Variants in ERAP1 observed in about 807,000 individuals in gnomAD.
The protein encoded by ERAP1 is adipocyte-derived leucine aminopeptidase.
A neutral mutation model predicts 103.7 loss-of-function variants in ERAP1; 86 were observed. The observed-to-expected ratio is 0.83, with a 90% confidence interval of 0.70 to 0.99. The LOEUF is 0.99. Ranked by LOEUF, ERAP1 falls within the 50% of genes least tolerant of loss-of-function variation. ERAP1 has a pLI of 0.00. For missense variants in ERAP1, 1,009 were observed against 1,128.4 expected, an observed-to-expected ratio of 0.89 and a Z score of 1.52; for synonymous variants, 398 against 402.4, an observed-to-expected ratio of 0.99 and a Z score of 0.13.
At chr5:96,897,168 T>G in the ERAP1 span, among the ~76,000 whole-genome samples, 1 of 152,206 alleles carries the variant, frequency 6.6e-6, no homozygotes, top group African/African-American at 2.4e-5. Flanking sequence ...TTCTACCATA[T>G]AACACCTAAT....
chr5:96,828,900 G>T, the ERAP1 span, among the ~76,000 whole-genome samples: 1 of 152,102 alleles, frequency 6.6e-6, no homozygotes, highest in African/African-American at 2.4e-5. Context: ...AGGCTGGAGT[G>T]CAGTGGCACA....
At chr5:96,919,350 A>G in the ERAP1 span, 2 of 152,312 alleles carry the variant, frequency 1.3e-5, no homozygotes, top group African/African-American at 2.4e-5. Flanking sequence ...TTGGTGGTGG[A>G]CCTTCCTTGG....
chr5:96,875,895 A>G, the ERAP1 span: 1 of 152,460 alleles, frequency 6.6e-6, no homozygotes, highest in Admixed American at 6.5e-5. Flanking sequence ...CAGAGGTTTC[A>G]TCTTTGTGGA....
intron 19 of ERAP1, among the ~76,000 whole-genome samples, chr5:96,766,492 G>GAGC (rs1699176624): frequency 6.6e-6 from 1 of 152,202 alleles, no homozygotes; most frequent in Non-Finnish European, 1.5e-5. Flanking sequence ...TGTTTAAGGA[G>GAGC]AGCAGAAAAG....
At chr5:96,762,429 G>A in exon 20 of ERAP1, 2 of 1,257,372 alleles carry the variant, frequency 1.6e-6, no homozygotes, top group Non-Finnish European at 2.2e-6. Context: ...CAACTAGAAA[G>A]AAAATAGGGC....
chr5:96,857,324 T>C, the ERAP1 span, among the ~76,000 whole-genome samples: 3 of 152,188 alleles, frequency 2.0e-5, no homozygotes, highest in Non-Finnish European at 4.4e-5. Flanking sequence ...TGCCTTTTTG[T>C]TTGACTGTTT....
chr5:96,795,036 C>A lies in ERAP1; in HGVS notation c.919+6G>T, dbSNP rs1777189376. 1 of 1,613,870 alleles carries A rather than the reference C, an allele frequency of 6.2e-7. No homozygotes were observed. ...GTCATGTGTAATATCTGTGCAAAATCTCTACCTTGTTTGGGTAGGGGATAC... is the reference window on the plus strand; with the variant it reads ...GTCATGTGTAATATCTGTGCAAAATATCTACCTTGTTTGGGTAGGGGATAC... On this transcript the variant is annotated splice_donor_region_variant and intron_variant, in intron 5 of 18. Coordinates refer to ENST00000443439, the MANE Select transcript of ERAP1 (RefSeq NM_001040458.3).
At chr5:96,916,638 G>C in the ERAP1 span, among the ~76,000 whole-genome samples, 1 of 150,982 alleles carries the variant, frequency 6.6e-6, no homozygotes, top group Non-Finnish European at 1.5e-5. Flanking sequence ...TAATTTTTTT[G>C]TATTTTTTTT....
the ERAP1 span, among the ~76,000 whole-genome samples, chr5:96,856,365 T>TATATATAGAGAGAGAGAGAG: frequency 2.3e-3 from 47 of 20,362 alleles, no homozygotes; most frequent in Non-Finnish European, 3.4e-3. Context: ...TATATATATA[T>TATATATAGAGAGAGAGAGAG]AGAGAGAGAG....
chr5:96,793,513 A>C lies in ERAP1; in HGVS notation c.1075T>G (p.Trp359Gly). ...MTVAHELAHQ[W>G]FGNLVTMEWW... Reference sequence around the variant, plus strand: ...TCCATAGTGACCAGGTTCCCAAACCACTAAAAGCACAACATAAGCCATAAA... The same window carrying C: ...TCCATAGTGACCAGGTTCCCAAACCCCTAAAAGCACAACATAAGCCATAAA... The change falls in exon 7 of 19, where the codon TGG (tryptophan) becomes GGG (glycine). Residue 359 changes from tryptophan to glycine, a missense_variant and splice_region_variant. By Grantham distance (184) the Trp-to-Gly change is radical. This residue lies in a region of ERAP1 where 392 missense variants were observed against 455.2 expected (regional missense o/e 0.86). Transcript: ENST00000443439. The C allele has an allele frequency of 6.2e-7, 1 of 1,609,014 alleles. No homozygotes were observed. The highest frequency in any genetic ancestry group is 8.5e-7 in the Non-Finnish European group (1 of 1,175,448).
chr5:96,813,650 C>CAAAAAAAAAAAAAAAA, the ERAP1 span, among the ~76,000 whole-genome samples: 1 of 55,166 alleles, frequency 1.8e-5, no homozygotes, highest in African/African-American at 7.1e-5. Context: ...AGACTCATCT[C>CAAAAAAAAAAAAAAAA]AAAAAAAAAA....
chr5:96,791,490 A>G (rs1776731303), intron 8 of ERAP1, among the ~76,000 whole-genome samples: 1 of 152,188 alleles, frequency 6.6e-6, no homozygotes, highest in African/African-American at 2.4e-5. Context: ...GAAAGTGGAA[A>G]AGCAGAGCCT....
chr5:96,848,759 G>A, the ERAP1 span: 2 of 151,936 alleles, frequency 1.3e-5, no homozygotes, highest in Admixed American at 6.6e-5. Context: ...TTTAAAAGGA[G>A]GAAATACTTA....
the ERAP1 span, chr5:96,880,412 G>T: frequency 9.7e-6 from 7 of 725,272 alleles, no homozygotes; most frequent in Admixed American, 1.8e-4. Flanking sequence ...CATTCCTTAA[G>T]GAAACCACAG....
the ERAP1 span, among the ~76,000 whole-genome samples, chr5:96,901,181 T>TTTGC: frequency 7.6e-6 from 1 of 131,750 alleles, no homozygotes; most frequent in Non-Finnish European, 1.6e-5. Flanking sequence ...TGTTTGTTTG[T>TTTGC]TTGTTTGATT....
chr5:96,855,591 C>A, the ERAP1 span, among the ~76,000 whole-genome samples: 1 of 152,196 alleles, frequency 6.6e-6, no homozygotes, highest in Non-Finnish European at 1.5e-5. Flanking sequence ...CTTTCCATGA[C>A]TTACAGAAAC....
intron 3 of ERAP1, among the ~76,000 whole-genome samples, chr5:96,799,494 A>T (rs1777749667): frequency 6.6e-6 from 1 of 151,998 alleles, no homozygotes; most frequent in South Asian, 2.1e-4. Flanking sequence ...TGGATCCTGG[A>T]TATCCATGGA....
the ERAP1 span, among the ~76,000 whole-genome samples, chr5:96,856,365 T>TATATAG: frequency 2.4e-3 from 48 of 20,380 alleles, no homozygotes; most frequent in African/African-American, 7.0e-3. Flanking sequence ...TATATATATA[T>TATATAG]AGAGAGAGAG....
At chr5:96,909,585 C>A in the ERAP1 span, 1 of 1,613,646 alleles carries the variant, frequency 6.2e-7, no homozygotes, top group African/African-American at 1.3e-5. Context: ...TGCAGCGTTA[C>A]CTTCTTCAGT....
Sources: allele counts gnomAD v4.1 joint callset (sites outside exome capture counted in the v4.1 genomes callset), GRCh38; gene constraint gnomAD v4.1.1; regional missense constraint gnomAD v4.1.1; transcripts MANE v1.5; gene names NCBI Gene and HGNC (gene_info 2026-07-23, HGNC 2026-07-21).